Variants in RUSC2 observed in about 807,000 individuals in gnomAD.
RUSC2 encodes the protein AP-4 complex accessory subunit RUSC2.
Under a neutral mutation model 122.2 loss-of-function variants are expected in RUSC2, and 34 were observed. The observed-to-expected ratio is 0.28, with a 90% CI of 0.21 to 0.37. The LOEUF is 0.37. RUSC2 is among the 10% of genes least tolerant of loss of function. The pLI is 1.00. For synonymous variants in RUSC2, 784 were observed against 790.0 expected (o/e 0.99, Z 0.13); for missense variants, 1,747 against 1,952.4 (o/e 0.89, Z 1.98).
chr9:35,511,856 T>C (rs1371092801), intron 1 of RUSC2, among the ~76,000 whole-genome samples: 1 of 152,208 alleles, frequency 6.6e-6, no homozygotes, highest in African/African-American at 2.4e-5. Flanking sequence ...TATCTACCTG[T>C]AAACTAATGT....
At position 35,512,245 on chromosome 9, in the gene RUSC2, T is replaced by C. The variant is rs549284722; in HGVS notation, c.-93+22073T>C. Among the ~76,000 whole-genome samples the C allele has an allele frequency of 4.6e-4, 70 of 152,300 alleles. 2 individuals are homozygous for C. In the South Asian group the frequency reaches 0.014, roughly 32 times the overall value. ...TAACTCTTCTTTTACAAGTTTCTCA[T>C]GAAAGGGGCAAGCACAAGTTTCAAG... On this transcript the variant is annotated intron_variant, in intron 1 of 11. Coordinates refer to ENST00000361226, the MANE Select transcript of RUSC2 (RefSeq NM_014806.5).
intron 1 of RUSC2, among the ~76,000 whole-genome samples, chr9:35,534,419 T>TAC (rs55836338): frequency 0.12 from 16,675 of 140,844 alleles, 1,124 homozygotes; most frequent in African/African-American, 0.2. Context: ...CTACAAATAA[T>TAC]ACACACACAC....
intron 1 of RUSC2, among the ~76,000 whole-genome samples, chr9:35,500,506 G>A (rs1468792717): frequency 6.6e-6 from 1 of 152,156 alleles, no homozygotes; most frequent in African/African-American, 2.4e-5. Context: ...CCAAAACTTA[G>A]TGACTTAAAA....
At chr9:35,508,849 A>ATT (rs1446641214) in intron 1 of RUSC2, among the ~76,000 whole-genome samples, 2 of 152,178 alleles carry the variant, frequency 1.3e-5, no homozygotes, top group Non-Finnish European at 2.9e-5. Flanking sequence ...AACAAAAGGA[A>ATT]AAGACAGAAA....
intron 1 of RUSC2, among the ~76,000 whole-genome samples, chr9:35,506,072 T>C (rs1820911028): frequency 6.6e-6 from 1 of 152,238 alleles, no homozygotes; most frequent in African/African-American, 2.4e-5. Context: ...TGATATGGTC[T>C]TGTATATAGA....
At chr9:35,511,743 G>A (rs890312325) in intron 1 of RUSC2, among the ~76,000 whole-genome samples, 4 of 152,130 alleles carry the variant, frequency 2.6e-5, no homozygotes, top group African/African-American at 9.7e-5. Flanking sequence ...AATAGAAAGT[G>A]TATATAAATG....
At position 35,547,324 on chromosome 9, in the gene RUSC2, A is replaced by G. The variant is rs747448069; in HGVS notation, c.803A>G (p.Tyr268Cys). 1 of 1,614,144 alleles carries G rather than the reference A, an allele frequency of 6.2e-7. No homozygotes were observed. Among genetic ancestry groups the G allele is most frequent in the South Asian group, 1.1e-5 (1 of 91,078 alleles). The change falls in exon 2 of 12, where the codon TAT becomes TGT. Residue 268 changes from tyrosine (Y) to cysteine (C), a missense_variant. Physicochemically the swap from Tyr to Cys is radical, Grantham distance 194. Coordinates refer to ENST00000361226, the MANE Select transcript of RUSC2 (RefSeq NM_014806.5). This position sits in a 1 kb window ranked among gnomAD's most constrained non-coding sequence, Gnocchi z 4.6. ...QSEAADQSMGYVSDSSCNSSD... is the reference protein window; with the variant it reads ...QSEAADQSMGCVSDSSCNSSD... ...GAGGCAGCTGACCAGTCCATGGGCT[A>G]TGTGAGCGACTCCTCCTGCAACAGT...
chr9:35,512,329 C>T (rs1316166591), intron 1 of RUSC2, among the ~76,000 whole-genome samples: 2 of 152,136 alleles, frequency 1.3e-5, no homozygotes, highest in Non-Finnish European at 2.9e-5. Context: ...TAATATAAGG[C>T]ATTTTAGAAC....
intron 1 of RUSC2, among the ~76,000 whole-genome samples, chr9:35,510,798 G>T (rs1057300293): frequency 3.9e-5 from 6 of 152,222 alleles, no homozygotes; most frequent in African/African-American, 1.4e-4. Flanking sequence ...CCCAGGTCCT[G>T]CCTCCTTTGG....
chr9:35,538,274 G>A (rs1821570298), intron 1 of RUSC2, among the ~76,000 whole-genome samples: 1 of 152,212 alleles, frequency 6.6e-6, no homozygotes, highest in Admixed American at 6.5e-5. Flanking sequence ...AAGAGGGCCT[G>A]CAGCCTCCAT....
intron 1 of RUSC2, among the ~76,000 whole-genome samples, chr9:35,504,380 A>G (rs1344692182): frequency 6.6e-6 from 1 of 151,962 alleles, no homozygotes; most frequent in Non-Finnish European, 1.5e-5. Flanking sequence ...TTGTATGTTC[A>G]TTAAGTATAT....
At chr9:35,491,301 G>A (rs1448402176) in intron 1 of RUSC2, among the ~76,000 whole-genome samples, 1 of 152,094 alleles carries the variant, frequency 6.6e-6, no homozygotes, top group Non-Finnish European at 1.5e-5. Context: ...AATTAGTAGT[G>A]GCATTATTGT....
chr9:35,495,062 T>C (rs1473226364), intron 1 of RUSC2, among the ~76,000 whole-genome samples: 2 of 76,352 alleles, frequency 2.6e-5, no homozygotes, highest in African/African-American at 1.2e-4. Context: ...ATATATACTA[T>C]AGTATATATT....
At chr9:35,532,605 G>A (rs897321643) in intron 1 of RUSC2, among the ~76,000 whole-genome samples, 1 of 152,088 alleles carries the variant, frequency 6.6e-6, no homozygotes. Flanking sequence ...ATATAGCTGG[G>A]TGTGGTGGCA....
At chr9:35,543,734 G>A (rs1170958587) in intron 1 of RUSC2, among the ~76,000 whole-genome samples, 2 of 152,154 alleles carry the variant, frequency 1.3e-5, no homozygotes, top group Non-Finnish European at 2.9e-5. Flanking sequence ...CTCCCAAAGT[G>A]CTGGGATTAC....
intron 2 of RUSC2, among the ~76,000 whole-genome samples, chr9:35,552,251 C>T (rs1011388784): frequency 6.6e-6 from 1 of 152,108 alleles, no homozygotes; most frequent in Non-Finnish European, 1.5e-5. Flanking sequence ...GTCCCATCTA[C>T]CCGGGAGGCT....
In RUSC2 at chr9:35,561,193, A is replaced by C; in HGVS notation, c.4362A>C (p.Ala1454=). The change falls in exon 12 of 12, where the codon GCA becomes GCC. Residue 1454 remains alanine, a synonymous_variant. Transcript: ENST00000361226. The part of the protein sequence containing the change: ...LPSSPPCEVQ[A]LCHHLATGPG... ...GCTGTTTCCCCAGTGAGGTGCAGGC[A>C]CTGTGCCACCACCTGGCCACCGGCC... is the stretch of plus-strand genomic sequence containing the variant. 6.2e-7 allele frequency: 1 copy of C among 1,614,070 alleles called. No individual in the cohort carries two copies. The highest frequency in any genetic ancestry group is 1.1e-5 in the South Asian group (1 of 91,084).
intron 1 of RUSC2, among the ~76,000 whole-genome samples, chr9:35,512,109 A>G (rs1461015969): frequency 6.6e-6 from 1 of 152,106 alleles, no homozygotes; most frequent in Admixed American, 6.5e-5. Context: ...TGAACCCGGG[A>G]GGCGGAGGTT....
intron 1 of RUSC2, among the ~76,000 whole-genome samples, chr9:35,512,147 C>T (rs1821021881): frequency 6.6e-6 from 1 of 151,932 alleles, no homozygotes; most frequent in African/African-American, 2.4e-5. Context: ...CGCCACTGCA[C>T]TCCAGCCTGG....
Sources: allele counts gnomAD v4.1 joint callset (sites outside exome capture counted in the v4.1 genomes callset), GRCh38; gene constraint gnomAD v4.1.1; non-coding constraint Gnocchi (gnomAD v3.1); transcripts MANE v1.5; gene names NCBI Gene and HGNC (gene_info 2026-07-23, HGNC 2026-07-21).